PLCE1: variants seen among roughly 807,000 people sequenced by gnomAD.
PLCE1 encodes phospholipase C epsilon 1, also known as 1-phosphatidylinositol 4,5-bisphosphate phosphodiesterase epsilon-1.
In PLCE1, 119 loss-of-function variants were observed where a neutral mutation model predicts 242.8. That is an observed-to-expected ratio of 0.49 (90% confidence interval 0.42 to 0.57). The LOEUF is 0.57. Ranked by LOEUF, PLCE1 falls within the 20% of genes least tolerant of loss-of-function variation. The probability of loss-of-function intolerance (pLI) is 0.00; values close to 1 mark genes in which losing one functional copy is unlikely to be tolerated. For synonymous variants in PLCE1, 945 were observed against 1,017.4 expected (o/e 0.93, Z 1.35); for missense variants, 2,441 against 2,788.8 (o/e 0.88, Z 2.81).
chr10:94,067,513 G>A (rs77954313), intron 2 of PLCE1, among the ~76,000 whole-genome samples: 2,440 of 152,252 alleles, frequency 0.016, 56 homozygotes, highest in African/African-American at 0.055. Flanking sequence ...GTTCAAGGCA[G>A]GATACACATG....
intron 20 of PLCE1, 97 bp downstream of exon 20, chr10:94,280,008 TAATACG>T (rs1409755458): frequency 8.2e-7 from 1 of 1,217,062 alleles, no homozygotes; most frequent in Non-Finnish European, 1.2e-6. Context: ...CAAAGACCAG[TAATACG>T]GATGGTTGTA....
chr10:94,132,599 T>A, intron 3 of PLCE1, 140 bp downstream of exon 3: 1 of 799,642 alleles, frequency 1.3e-6, no homozygotes, highest in Non-Finnish European at 2.1e-6. Context: ...TAAGAGAATA[T>A]AAAAAGGTGG....
At chr10:94,108,386 C>T (rs1488373971) in intron 2 of PLCE1, 1 of 152,234 alleles carries the variant, frequency 6.6e-6, no homozygotes, top group African/African-American at 2.4e-5. Flanking sequence ...TGGTCTTTCC[C>T]TTGGGCTGTG....
chr10:94,236,547 G>A (rs2050330894), intron 7 of PLCE1, among the ~76,000 whole-genome samples: 1 of 152,094 alleles, frequency 6.6e-6, no homozygotes, highest in African/African-American at 2.4e-5. Flanking sequence ...ACTTAGTTAG[G>A]TCTGGGTGAT....
chr10:94,227,425 T>A lies in PLCE1; in HGVS notation c.1929T>A (p.Ala643=). ...KCCWNMGNYN[A]VMEFLAGLRS... is the part of the protein sequence containing the mutation. The stretch of plus-strand genomic sequence containing the variant: ...GCTGGAACATGGGCAACTACAACGC[T>A]GTCATGGAGTTCTTGGCTGGCCTCA... The change falls in exon 5 of 33, where the codon GCT becomes GCA. Residue 643 remains alanine, a synonymous_variant. Coordinates refer to ENST00000371380, the MANE Select transcript of PLCE1 (RefSeq NM_016341.4). 6.2e-7 allele frequency: 1 copy of A among 1,614,118 alleles called. No individual in the cohort carries two copies. The highest frequency in any genetic ancestry group is 1.1e-5 in the South Asian group (1 of 91,074).
intron 2 of PLCE1, among the ~76,000 whole-genome samples, chr10:94,091,569 G>C (rs952162576): frequency 1.3e-5 from 2 of 152,114 alleles, no homozygotes; most frequent in Non-Finnish European, 2.9e-5. Context: ...GTGACAGCAG[G>C]AGACAGGGGT....
intron 1 of PLCE1, among the ~76,000 whole-genome samples, chr10:94,007,694 A>G (rs1301298645): frequency 4.4e-5 from 4 of 91,004 alleles, no homozygotes; most frequent in African/African-American, 1.5e-4. Context: ...ATCAAAGCCT[A>G]CTTTCTTTTT....
At chr10:94,083,547 C>T (rs1210672464) in intron 2 of PLCE1, among the ~76,000 whole-genome samples, 1 of 152,342 alleles carries the variant, frequency 6.6e-6, no homozygotes, top group East Asian at 1.9e-4. Context: ...AACCTGCACC[C>T]AGACATCCAT....
At chr10:94,151,889 A>G (rs1300246247) in intron 3 of PLCE1, among the ~76,000 whole-genome samples, 3 of 152,230 alleles carry the variant, frequency 2.0e-5, no homozygotes, top group Non-Finnish European at 4.4e-5. Context: ...TAATATCCCA[A>G]AATGAATCAC....
intron 11 of PLCE1, among the ~76,000 whole-genome samples, chr10:94,257,438 A>G (rs1015967610): frequency 5.9e-5 from 9 of 152,204 alleles, no homozygotes; most frequent in African/African-American, 2.2e-4. Flanking sequence ...CCAAAGGATT[A>G]TAAATCATGC....
intron 3 of PLCE1, among the ~76,000 whole-genome samples, chr10:94,162,644 T>C (rs1208095307): frequency 6.6e-6 from 1 of 152,206 alleles, no homozygotes; most frequent in Admixed American, 6.5e-5. Context: ...GTTTTTTGTG[T>C]CTCTATTTCC....
chr10:94,265,437 A>C (rs2133061289), intron 14 of PLCE1, among the ~76,000 whole-genome samples: 1 of 152,302 alleles, frequency 6.6e-6, no homozygotes, highest in Middle Eastern at 3.4e-3. Context: ...TATTAAATAA[A>C]TATGCTTAGT....
intron 1 of PLCE1, among the ~76,000 whole-genome samples, chr10:94,017,884 G>A (rs963803416): frequency 5.3e-5 from 8 of 152,140 alleles, no homozygotes; most frequent in African/African-American, 1.9e-4. Flanking sequence ...AGGAGGCAGA[G>A]CCTGAAGAAA....
intron 3 of PLCE1, among the ~76,000 whole-genome samples, chr10:94,148,177 A>G (rs759646839): frequency 6.6e-6 from 1 of 152,188 alleles, no homozygotes; most frequent in Non-Finnish European, 1.5e-5. Flanking sequence ...AAGTAAATTA[A>G]TGAATATAAA....
intron 2 of PLCE1, among the ~76,000 whole-genome samples, chr10:94,102,381 A>G (rs2045571234): frequency 6.6e-6 from 1 of 152,228 alleles, no homozygotes; most frequent in Admixed American, 6.5e-5. Context: ...AGTTGCACCA[A>G]TGCTGTGCTC....
rs557677104 is a variant in PLCE1, at chr10:94,159,793, G to A, written c.1493-11387G>A. Among the ~76,000 whole-genome samples the A allele has an allele frequency of 7.9e-5, 12 of 151,932 alleles. No individual in the cohort carries two copies. The South Asian group carries it at 1.9e-3, about 24-fold the overall frequency. Reference sequence around the variant, plus strand: ...CTTCCCCCTCCCCACAACAGGCCCCGATGTGTGATGTTCCCTTTCCTGTGT... The same window carrying A: ...CTTCCCCCTCCCCACAACAGGCCCCAATGTGTGATGTTCCCTTTCCTGTGT... On this transcript the variant is annotated intron_variant, in intron 3 of 32. Transcript: ENST00000371380.
chr10:94,297,483 C>T (rs561468387), intron 23 of PLCE1, among the ~76,000 whole-genome samples: 1 of 149,774 alleles, frequency 6.7e-6, no homozygotes, highest in East Asian at 2.0e-4. Context: ...TGAAATGTTG[C>T]AAGAATTACT....
At chr10:94,212,402 A>G (rs905230734) in intron 4 of PLCE1, among the ~76,000 whole-genome samples, 15 of 152,274 alleles carry the variant, frequency 9.9e-5, no homozygotes, top group South Asian at 4.1e-4. Context: ...GACTACAGGC[A>G]TCCACCACTA....
At chr10:94,062,823 G>T (rs2134988032) in intron 2 of PLCE1, among the ~76,000 whole-genome samples, 1 of 152,152 alleles carries the variant, frequency 6.6e-6, no homozygotes, top group Admixed American at 6.5e-5. Context: ...CAACACATCA[G>T]GTTCCGGGAA....
Sources: allele counts gnomAD v4.1 joint callset (sites outside exome capture counted in the v4.1 genomes callset), GRCh38; gene constraint gnomAD v4.1.1; transcripts MANE v1.5; gene names NCBI Gene and HGNC (gene_info 2026-07-23, HGNC 2026-07-21).